ZFP64: variants seen among roughly 807,000 people sequenced by gnomAD.
The protein encoded by ZFP64 is ZFP64 zinc finger protein, also known as zinc finger protein 64.
Under a neutral mutation model 51.6 loss-of-function variants are expected in ZFP64, and 14 were observed. The observed-to-expected ratio is 0.27, with a 90% CI of 0.18 to 0.42. The LOEUF (loss-of-function observed/expected upper bound fraction) is 0.42, where lower values mean the gene tolerates loss of function less well. Ranked by LOEUF, ZFP64 falls within the 10% of genes least tolerant of loss-of-function variation. The pLI is 1.00. For synonymous variants in ZFP64, 375 were observed against 361.4 expected (o/e 1.04, Z -0.43); for missense variants, 754 against 906.8 (o/e 0.83, Z 2.16).
Position 52,153,561 on chromosome 20 carries a change from C to A in ZFP64, c.764-133G>T. 1 of 1,338,592 alleles carries A rather than the reference C, an allele frequency of 7.5e-7. No homozygotes were observed. Among genetic ancestry groups the A allele is most frequent in the Non-Finnish European group, 9.9e-7 (1 of 1,014,956 alleles). The allele number at this position is 1,338,592 out of a possible 1,614,324, so 82.9% of individuals were successfully genotyped here. A position where few individuals can be genotyped will look rare whatever the true frequency, so the allele number is the denominator to read the frequency against. ...CCTCCTAACTGCAGCTTCTAGCAGC[C>A]CCTGGCAGTGGGGGAAGAGGGGCAG... is the stretch of plus-strand genomic sequence containing the variant. On this transcript the variant is annotated intron_variant, in intron 5 of 5. Coordinates refer to ENST00000216923, the MANE Select transcript of ZFP64 (RefSeq NM_018197.3). The surrounding 1 kb of genome is among the most constrained non-coding windows in gnomAD (Gnocchi z 5.1).
At chr20:52,127,958 T>A (rs930195295) in intron 5 of ZFP64, among the ~76,000 whole-genome samples, 2 of 152,208 alleles carry the variant, frequency 1.3e-5, no homozygotes, top group Non-Finnish European at 2.9e-5. Context: ...AATGTTTATT[T>A]ATTTTTTTCC....
chr20:52,129,118 G>C (rs1001454037), intron 5 of ZFP64, among the ~76,000 whole-genome samples: 1 of 147,716 alleles, frequency 6.8e-6, no homozygotes. Flanking sequence ...GTCTCGCTCT[G>C]TTGCCCAGGC....
At chr20:52,136,129 C>CA (rs1314484705) in intron 5 of ZFP64, among the ~76,000 whole-genome samples, 17 of 136,344 alleles carry the variant, frequency 1.2e-4, no homozygotes, top group South Asian at 2.3e-4. Context: ...AAGAAAAAAC[C>CA]AAAAAAAAGA....
rs59732634 is a variant in ZFP64, at chr20:52,100,772, C to T, written c.764-2185G>A. 3.4e-3 allele frequency among the ~76,000 whole-genome samples: 519 copies of T among 152,282 alleles called. 2 individuals are homozygous for T. The highest frequency in any genetic ancestry group is 0.012 in the African/African-American group (492 of 41,544). On this transcript the variant is annotated intron_variant, in intron 5 of 8. Transcript: ENST00000361387. ...GTGCAACTATTGGCAAGCTACTTAA[C>T]CTTTCTGAGCTTCAGTTTACTCGTT...
Position 52,152,645 on chromosome 20 carries a change from G to A in ZFP64, c.1547C>T (p.Ala516Val), listed in dbSNP as rs1416905412. ...AGGCGGGACGATGTTCACTGCAGCGGCGGCAGCCTGGACGATGGTGTTCGC... is the reference window on the plus strand; with the variant it reads ...AGGCGGGACGATGTTCACTGCAGCGACGGCAGCCTGGACGATGGTGTTCGC... The part of the protein sequence containing the change: ...PQANTIVQAA[A>V]AAVNIVPPAL... The change falls in exon 6 of 6, where the codon GCC (alanine) becomes GTC (valine). Residue 516 changes from alanine to valine, a missense_variant. Coordinates refer to ENST00000216923, the MANE Select transcript of ZFP64 (RefSeq NM_018197.3). The A allele has an allele frequency of 3.9e-6, 6 of 1,532,960 alleles. No homozygotes were observed. Among genetic ancestry groups the A allele is most frequent in the Non-Finnish European group, 5.2e-6 (6 of 1,144,110 alleles). The allele number at this position is 1,532,960 out of a possible 1,614,324, so 95.0% of individuals were successfully genotyped here.
At chr20:52,166,653 G>A (rs1319094238) in intron 2 of ZFP64, among the ~76,000 whole-genome samples, 1 of 151,852 alleles carries the variant, frequency 6.6e-6, no homozygotes, top group Admixed American at 6.6e-5. Context: ...CTGGGGTCTC[G>A]CCATGCTGCG....
At chr20:52,125,632 T>C (rs1193636861) in intron 5 of ZFP64, among the ~76,000 whole-genome samples, 1 of 152,154 alleles carries the variant, frequency 6.6e-6, no homozygotes, top group African/African-American at 2.4e-5. Context: ...TCCTAGGGCA[T>C]GGGAGGAGTA....
At chr20:52,102,750 T>TA (rs1396852654) in intron 5 of ZFP64, among the ~76,000 whole-genome samples, 1 of 152,218 alleles carries the variant, frequency 6.6e-6, no homozygotes, top group Non-Finnish European at 1.5e-5. Flanking sequence ...CTGGATAAGC[T>TA]ACTCAACTTC....
At chr20:52,114,012 C>T (rs1011903984) in intron 5 of ZFP64, among the ~76,000 whole-genome samples, 2 of 152,078 alleles carry the variant, frequency 1.3e-5, no homozygotes, top group African/African-American at 4.8e-5. Context: ...ACCAGGGAGA[C>T]AGCGTCCCCA....
At chr20:52,084,612 G>A in exon 9 of ZFP64, 1 of 1,614,160 alleles carries the variant, frequency 6.2e-7, no homozygotes, top group Non-Finnish European at 8.5e-7. Context: ...GGAGACCAGG[G>A]TGCTGAGCTG....
At chr20:52,084,520 C>G (rs774618504) in exon 9 of ZFP64, 138 of 1,578,474 alleles carry the variant, frequency 8.7e-5, no homozygotes, top group Non-Finnish European at 1.1e-4. Context: ...CAGCACTGGT[C>G]AGAAGTTCCG....
intron 5 of ZFP64, among the ~76,000 whole-genome samples, chr20:52,115,883 G>A (rs1978840206): frequency 6.6e-6 from 1 of 151,966 alleles, no homozygotes; most frequent in African/African-American, 2.4e-5. Context: ...TGCCCAGGCT[G>A]GAATGCATTG....
chr20:52,098,367 G>A, intron 6 of ZFP64: 1 of 1,581,638 alleles, frequency 6.3e-7, no homozygotes, highest in Non-Finnish European at 8.6e-7. Flanking sequence ...AGGCAGCTCA[G>A]AGATTCACGT....
At chr20:52,090,763 C>T (rs986281408) in intron 7 of ZFP64, among the ~76,000 whole-genome samples, 4 of 150,548 alleles carry the variant, frequency 2.7e-5, no homozygotes, top group Non-Finnish European at 5.9e-5. Context: ...CGTGCCACTG[C>T]ACTCCAACCT....
chr20:52,098,501 G>A lies in ZFP64; in HGVS notation c.850C>T (p.Pro284Ser), dbSNP rs372501806. The A allele has an allele frequency of 6.2e-6, 10 of 1,614,162 alleles. No individual in the cohort carries two copies. In the African/African-American group the frequency reaches 1.1e-4, roughly 17 times the overall value. ...GCCATTTGTTCCCTTGCCTCTGAGG[G>A]AAGAGTGATGACAGGGGCCTTCGGA... Residue 284 changes from proline to serine, a missense_variant, in exon 6 of 9, where the codon CCC (proline) becomes TCC (serine). Physicochemically the swap from Pro to Ser is moderately conservative, Grantham distance 74 (BLOSUM62 -1). Transcript: ENST00000361387.
chr20:52,128,670 C>A (rs1048870325), intron 5 of ZFP64, among the ~76,000 whole-genome samples: 3 of 152,174 alleles, frequency 2.0e-5, no homozygotes, highest in African/African-American at 7.2e-5. Flanking sequence ...TTGCTGCACT[C>A]CACCACTGGA....
chr20:52,104,567 G>A (rs62216874), intron 5 of ZFP64: 4 of 380,166 alleles, frequency 1.1e-5, no homozygotes, highest in African/African-American at 4.2e-5. Context: ...TCGGGCCTCC[G>A]GTGACCTCTC....
intron 4 of ZFP64, among the ~76,000 whole-genome samples, chr20:52,161,269 C>T (rs1425960640): frequency 6.6e-6 from 1 of 152,146 alleles, no homozygotes; most frequent in African/African-American, 2.4e-5. Flanking sequence ...CTGTGAACTA[C>T]TGCTAACTTT....
chr20:52,118,650 A>C (rs1979004839), intron 5 of ZFP64, among the ~76,000 whole-genome samples: 1 of 152,234 alleles, frequency 6.6e-6, no homozygotes, highest in South Asian at 2.1e-4. Flanking sequence ...CACTGGGGGC[A>C]AGGCTTTGCT....
Sources: gnomAD v4.1 joint callset for allele counts (sites outside exome capture counted in the v4.1 genomes callset) on GRCh38, gnomAD v4.1.1 for gene constraint, Gnocchi (gnomAD v3.1) non-coding constraint, MANE v1.5 for transcripts, NCBI Gene and HGNC (gene_info 2026-07-23, HGNC 2026-07-21) for gene names.